SLMAP: variants seen among roughly 807,000 people sequenced by gnomAD.
The protein encoded by SLMAP is sarcolemma associated protein.
A neutral mutation model predicts 128.8 loss-of-function variants in SLMAP; 44 were observed. That is an observed-to-expected ratio of 0.34 (90% confidence interval 0.27 to 0.44). The LOEUF is 0.44. Ranked by LOEUF, SLMAP falls within the 20% of genes least tolerant of loss-of-function variation. The pLI, the probability that SLMAP is intolerant of heterozygous loss-of-function variation, is 1.00. For synonymous variants in SLMAP, 327 were observed against 348.8 expected (o/e 0.94, Z 0.70); for missense variants, 787 against 985.3 (o/e 0.80, Z 2.69).
At chr3:57,909,036 T>G (rs1179299482) in intron 18 of SLMAP, 40 bp from the exon 19 acceptor site, 1 of 1,396,646 alleles carries the variant, frequency 7.2e-7, no homozygotes, top group Non-Finnish European at 1.0e-6. Context: ...CTTTCATTAA[T>G]TCACAAAACT....
chr3:57,877,934 G>A (rs562948120), intron 14 of SLMAP, among the ~76,000 whole-genome samples: 8 of 148,468 alleles, frequency 5.4e-5, no homozygotes, highest in African/African-American at 1.5e-4. Flanking sequence ...TCCTGGGTTC[G>A]AGCAATTCTC....
intron 14 of SLMAP, among the ~76,000 whole-genome samples, chr3:57,882,379 A>G (rs1007206863): frequency 2.0e-5 from 3 of 152,240 alleles, no homozygotes; most frequent in Non-Finnish European, 4.4e-5. Flanking sequence ...ATAGGGAACA[A>G]TAAAGGTAGT....
intron 2 of SLMAP, among the ~76,000 whole-genome samples, chr3:57,795,584 T>C (rs2086543707): frequency 6.6e-6 from 1 of 152,088 alleles, no homozygotes; most frequent in Non-Finnish European, 1.5e-5. Flanking sequence ...CAGTTGTATA[T>C]TCAGGATATA....
At chr3:57,913,587 T>G (rs180782699) in intron 21 of SLMAP, among the ~76,000 whole-genome samples, 3 of 152,286 alleles carry the variant, frequency 2.0e-5, no homozygotes, top group Admixed American at 2.0e-4. Flanking sequence ...ACTAATAAAT[T>G]TCAAATATCA....
At chr3:57,872,989 TG>T (rs2095518528) in intron 14 of SLMAP, among the ~76,000 whole-genome samples, 1 of 152,114 alleles carries the variant, frequency 6.6e-6, no homozygotes, top group South Asian at 2.1e-4. Context: ...CAGGAGCGCT[TG>T]GGGGTTCTAT....
intron 22 of SLMAP, among the ~76,000 whole-genome samples, chr3:57,922,462 T>C (rs1365774018): frequency 6.7e-6 from 1 of 149,098 alleles, no homozygotes; most frequent in Non-Finnish European, 1.5e-5. Context: ...AGTCTCCCTC[T>C]GTCACCCAGG....
intron 2 of SLMAP, among the ~76,000 whole-genome samples, chr3:57,772,898 C>T (rs1225330237): frequency 1.3e-5 from 2 of 152,144 alleles, no homozygotes; most frequent in Non-Finnish European, 2.9e-5. Context: ...CCTCGGCCTC[C>T]CAAAGTGCTG....
At chr3:57,880,212 T>TTGTTC (rs2095702109) in intron 14 of SLMAP, among the ~76,000 whole-genome samples, 2 of 144,016 alleles carry the variant, frequency 1.4e-5, no homozygotes, top group Non-Finnish European at 3.0e-5. Flanking sequence ...TTGTTTTGTT[T>TTGTTC]TGTTCTTGAG....
At chr3:57,873,052 T>C (rs1162030894) in intron 14 of SLMAP, among the ~76,000 whole-genome samples, 6 of 152,230 alleles carry the variant, frequency 3.9e-5, no homozygotes, top group Non-Finnish European at 4.4e-5. Context: ...TCAAATGTTA[T>C]ACTCCTTAGA....
chr3:57,911,393 TG>T (rs1162201293), intron 19 of SLMAP, among the ~76,000 whole-genome samples: 1 of 152,244 alleles, frequency 6.6e-6, no homozygotes, highest in Non-Finnish European at 1.5e-5. Context: ...TATTTTCCTT[TG>T]GAACTTTTTA....
chr3:57,923,144 A>G, intron 23 of SLMAP, 121 bp downstream of exon 23: 4 of 908,012 alleles, frequency 4.4e-6, no homozygotes, highest in Non-Finnish European at 6.8e-6. Flanking sequence ...TAGGCTTTTC[A>G]TTATGAAATT....
intron 2 of SLMAP, among the ~76,000 whole-genome samples, chr3:57,765,374 T>C (rs539597503): frequency 2.2e-4 from 33 of 151,998 alleles, no homozygotes; most frequent in Middle Eastern, 3.4e-3. Flanking sequence ...CTGGGTGACA[T>C]AGTGAGACCC....
intron 2 of SLMAP, among the ~76,000 whole-genome samples, chr3:57,790,466 G>A (rs2085222890): frequency 6.6e-6 from 1 of 152,136 alleles, no homozygotes; most frequent in Admixed American, 6.5e-5. Context: ...AAAAAAAAAA[G>A]TGGAACACGG....
intron 2 of SLMAP, among the ~76,000 whole-genome samples, chr3:57,766,912 T>A (rs182916385): frequency 5.3e-5 from 8 of 152,208 alleles, no homozygotes; most frequent in African/African-American, 1.7e-4. Flanking sequence ...TTCTTTTTTT[T>A]AAATTTATTT....
At chr3:57,908,882 T>C (rs1363223442) in intron 18 of SLMAP, among the ~76,000 whole-genome samples, 194 bp from the exon 19 acceptor site, 2 of 152,222 alleles carry the variant, frequency 1.3e-5, no homozygotes, top group African/African-American at 4.8e-5. Context: ...TTGAATAGAT[T>C]TATTACTTAC....
intron 2 of SLMAP, among the ~76,000 whole-genome samples, chr3:57,796,829 G>C (rs1160985294): frequency 6.6e-6 from 1 of 152,158 alleles, no homozygotes; most frequent in Non-Finnish European, 1.5e-5. Context: ...GATGATATCA[G>C]TGAAAATGTC....
chr3:57,807,415 A>G (rs1399286728), intron 2 of SLMAP, among the ~76,000 whole-genome samples: 1 of 152,162 alleles, frequency 6.6e-6, no homozygotes, highest in East Asian at 1.9e-4. Flanking sequence ...ATTCAGTATG[A>G]TATTGGCTGT....
In SLMAP at chr3:57,927,811, C is replaced by CTGTGT. The variant is rs2097032534; in HGVS notation, c.*523_*527dup. 1 of 152,906 alleles carries CTGTGT rather than the reference C, an allele frequency of 6.5e-6. No individual in the cohort carries two copies. The highest frequency in any genetic ancestry group is 1.5e-5 in the Non-Finnish European group (1 of 68,318). The allele number at this position is 152,906 out of a possible 1,614,324, so 9.5% of individuals were successfully genotyped here. On this transcript the variant is annotated 3_prime_UTR_variant, in exon 25 of 25. Transcript: ENST00000671191. ...CAATACATACATGGGAAGAGAGGCC[C>CTGTGT]TGTGTGCTCAGTGCCTATCAGTTTG...
Position 57,757,501 on chromosome 3 carries a change from T to C in SLMAP, c.-151T>C. On this transcript the variant is annotated 5_prime_UTR_variant, in exon 2 of 25. Coordinates refer to ENST00000671191, the MANE Select transcript of SLMAP (RefSeq NM_001377540.1). Reference sequence around the variant, plus strand: ...CTTGTCTTCCCACCCAAGTGAAGAGTTGATGTTCACTGGTTATGCTTAGAC... The same window carrying C: ...CTTGTCTTCCCACCCAAGTGAAGAGCTGATGTTCACTGGTTATGCTTAGAC... The C allele has an allele frequency of 2.9e-6, 2 of 681,118 alleles. No individual in the cohort carries two copies. Among genetic ancestry groups the C allele is most frequent in the Non-Finnish European group, 5.1e-6 (2 of 395,764 alleles). 42.2% of individuals were successfully genotyped at this position (681,118 alleles called of 1,614,324 possible). A position where few individuals can be genotyped will look rare whatever the true frequency, so the allele number is the denominator to read the frequency against.
Sources: allele counts gnomAD v4.1 joint callset (sites outside exome capture counted in the v4.1 genomes callset), GRCh38; gene constraint gnomAD v4.1.1; transcripts MANE v1.5; gene names NCBI Gene and HGNC (gene_info 2026-07-23, HGNC 2026-07-21).